CIROZ: variants seen among roughly 807,000 people sequenced by gnomAD.
CIROZ encodes ciliated left-right organizer ZP-N domains-containing protein.
the CIROZ span, chr1:10,949,966 A>G: frequency 1.6e-5 from 10 of 625,428 alleles, no homozygotes; most frequent in Non-Finnish European, 2.4e-5. Flanking sequence ...GGAAATGTCC[A>G]TTGGCTGAAT....
the CIROZ span, chr1:10,948,529 G>A: frequency 6.2e-7 from 1 of 1,614,096 alleles, no homozygotes; most frequent in Non-Finnish European, 8.5e-7. Flanking sequence ...GTGACAGATG[G>A]TCCTGAGACC....
the CIROZ span, chr1:10,948,549 T>C: frequency 4.2e-5 from 67 of 1,613,950 alleles, no homozygotes; most frequent in Non-Finnish European, 5.5e-5. Flanking sequence ...CAGAAGTGAT[T>C]CAGGTCGTTC....
the CIROZ span, chr1:10,948,604 C>T: frequency 9.3e-6 from 15 of 1,613,972 alleles, no homozygotes; most frequent in East Asian, 2.2e-5. Flanking sequence ...TCTGAGGACA[C>T]GGGCAGGGTC....
At chr1:10,955,280 C>G in the CIROZ span, 8 of 1,184,998 alleles carry the variant, frequency 6.8e-6, no homozygotes, top group Non-Finnish European at 9.4e-6. Context: ...GGGGCCACAC[C>G]TGTGGCCGGC....
the CIROZ span, among the ~76,000 whole-genome samples, chr1:10,975,767 G>T: frequency 3.9e-5 from 6 of 152,124 alleles, no homozygotes; most frequent in South Asian, 1.2e-3. Context: ...TCATTGCTAT[G>T]GGACCTTAGA....
At chr1:10,946,581 G>A in the CIROZ span, 1 of 152,280 alleles carries the variant, frequency 6.6e-6, no homozygotes, top group South Asian at 2.1e-4. Context: ...GCCTGGAGGT[G>A]GGCGTCTGGG....
the CIROZ span, among the ~76,000 whole-genome samples, chr1:10,978,426 C>T: frequency 1.3e-5 from 2 of 150,950 alleles, no homozygotes; most frequent in African/African-American, 4.9e-5. Flanking sequence ...TCACGGAGTC[C>T]CGCTGGGCAT....
At chr1:10,977,944 A>G in the CIROZ span, among the ~76,000 whole-genome samples, 1 of 152,100 alleles carries the variant, frequency 6.6e-6, no homozygotes, top group Non-Finnish European at 1.5e-5. Flanking sequence ...TGAGGCTGAC[A>G]GATCACCTGA....
the CIROZ span, chr1:10,949,403 G>A: frequency 6.7e-6 from 4 of 595,046 alleles, no homozygotes; most frequent in East Asian, 6.0e-5. Flanking sequence ...GCCGACAGAT[G>A]AGGGGGGCTG....
chr1:10,963,162 G>A, the CIROZ span, among the ~76,000 whole-genome samples: 2 of 152,098 alleles, frequency 1.3e-5, no homozygotes, highest in African/African-American at 2.4e-5. Context: ...GCTGGGGCAG[G>A]TGGATCATTT....
chr1:10,962,051 TTCC>T, the CIROZ span, among the ~76,000 whole-genome samples: 1 of 152,180 alleles, frequency 6.6e-6, no homozygotes, highest in African/African-American at 2.4e-5. Flanking sequence ...CTCCTTTCTC[TTCC>T]TCCTTCCTTC....
chr1:10,968,411 T>C, the CIROZ span, among the ~76,000 whole-genome samples: 181 of 152,342 alleles, frequency 1.2e-3, no homozygotes, highest in African/African-American at 4.3e-3. Context: ...CTGGCAGCCT[T>C]TCTACGTGGG....
chr1:10,976,337 C>CTT, the CIROZ span: 1,323 of 705,218 alleles, frequency 1.9e-3, no homozygotes, highest in Middle Eastern at 3.9e-3. Flanking sequence ...CATTATATTT[C>CTT]TTTTTTTTTT....
At chr1:10,963,396 C>A in the CIROZ span, among the ~76,000 whole-genome samples, 3 of 151,918 alleles carry the variant, frequency 2.0e-5, no homozygotes, top group East Asian at 1.9e-4. Flanking sequence ...CTCAAAAAAA[C>A]AAACAAACAA....
the CIROZ span, chr1:10,957,640 T>A: frequency 1.4e-5 from 22 of 1,614,018 alleles, no homozygotes; most frequent in Middle Eastern, 6.6e-4. Flanking sequence ...GAAGGCCTTG[T>A]CTCGGGCTTT....
At chr1:10,966,132 A>C in the CIROZ span, among the ~76,000 whole-genome samples, 21 of 152,236 alleles carry the variant, frequency 1.4e-4, 1 homozygote, top group South Asian at 1.9e-3. Flanking sequence ...TGCACAGAGA[A>C]GGGGGGATTC....
At chr1:10,951,745 A>AAAATATATATATATATATAT in the CIROZ span, among the ~76,000 whole-genome samples, 1 of 119,206 alleles carries the variant, frequency 8.4e-6, no homozygotes, top group African/African-American at 3.6e-5. Flanking sequence ...AAAAAAAAAA[A>AAAATATATATATATATATAT]ATATATATAT....
At chr1:10,976,243 C>A in the CIROZ span, 1 of 1,535,974 alleles carries the variant, frequency 6.5e-7, no homozygotes, top group Non-Finnish European at 8.7e-7. Flanking sequence ...TGAACACAGG[C>A]AAGCCAGACG....
At chr1:10,970,577 C>T in the CIROZ span, among the ~76,000 whole-genome samples, 10 of 151,374 alleles carry the variant, frequency 6.6e-5, no homozygotes, top group African/African-American at 1.7e-4. Context: ...TGCAGTGAGC[C>T]GAGATCACAC....
Sources: allele counts gnomAD v4.1 joint callset (sites outside exome capture counted in the v4.1 genomes callset), GRCh38; gene constraint gnomAD v4.1.1; transcripts MANE v1.5; gene names NCBI Gene and HGNC (gene_info 2026-07-23, HGNC 2026-07-21).